The following PRKAA1 variants were observed in gnomAD, a reference collection of about 807,000 sequenced individuals.
The protein encoded by PRKAA1 is protein kinase AMP-activated catalytic subunit alpha 1.
In PRKAA1, 23 loss-of-function variants were observed where a neutral mutation model predicts 56.9. The observed-to-expected ratio is 0.40, with a 90% confidence interval of 0.29 to 0.57. The LOEUF is 0.57. Ranked by LOEUF, PRKAA1 falls within the 20% of genes least tolerant of loss-of-function variation. PRKAA1 has a pLI of 0.39. For missense variants in PRKAA1, 413 were observed against 679.7 expected, an observed-to-expected ratio of 0.61 and a Z score of 4.36; for synonymous variants, 226 against 227.0, an observed-to-expected ratio of 1.00 and a Z score of 0.04.
At chr5:40,793,947 C>T (rs1011090252) in intron 1 of PRKAA1, among the ~76,000 whole-genome samples, 5 of 152,062 alleles carry the variant, frequency 3.3e-5, no homozygotes, top group African/African-American at 1.2e-4. Flanking sequence ...ACTAAAAATA[C>T]AAAAATTAGC....
rs2112122087 is a variant in PRKAA1, at chr5:40,798,109, G to A, written c.81C>T (p.Tyr27=). The A allele has an allele frequency of 6.2e-7, 1 of 1,607,296 alleles. No individual in the cohort carries two copies. ...KHDGRVKIGH[Y]ILGDTLGVGT... ...CGACCCCCAGCGTGTCACCCAGAAT[G>A]TAGTGGCCGATCTTCACCCGCCCGT... Residue 27 remains tyrosine, a synonymous_variant, in exon 1 of 9, where the codon TAC becomes TAT. Transcript: ENST00000397128.
chr5:40,795,280 T>C (rs1272329089), intron 1 of PRKAA1, among the ~76,000 whole-genome samples: 1 of 152,060 alleles, frequency 6.6e-6, no homozygotes, highest in South Asian at 2.1e-4. Flanking sequence ...ACTACAAATA[T>C]GATGCAATGT....
chr5:40,760,170 C>CA lies in PRKAA1; in HGVS notation c.*2607dup, dbSNP rs1407681439. 6.6e-6 allele frequency: 1 copy of CA among 152,570 alleles called. No homozygotes were observed. Among genetic ancestry groups the CA allele is most frequent in the Non-Finnish European group, 1.5e-5 (1 of 67,966 alleles). 9.5% of individuals were successfully genotyped at this position (152,570 alleles called of 1,614,324 possible). ...AATATTAGTAACAATTTGCAAACAA[C>CA]AAAAAAATTGTGAAAATTCTGTTGC... On this transcript the variant is annotated 3_prime_UTR_variant, in exon 9 of 9. Transcript: ENST00000397128.
At position 40,785,907 on chromosome 5, in the gene PRKAA1, A is replaced by T. The variant is rs1316188926; in HGVS notation, c.128-8321T>A. Among the ~76,000 whole-genome samples the T allele has an allele frequency of 4.6e-5, 7 of 151,770 alleles. No individual in the cohort carries two copies. The South Asian group carries it at 1.2e-3, about 27-fold the overall frequency. ...AGCGAGCGCAGCCATTTGAAGACAGAGGCAGAGACTGGAGTTATGCTATCA... is the reference window on the plus strand; with the variant it reads ...AGCGAGCGCAGCCATTTGAAGACAGTGGCAGAGACTGGAGTTATGCTATCA... On this transcript the variant is annotated intron_variant, in intron 1 of 8. Transcript: ENST00000397128.
In PRKAA1 at chr5:40,759,923, G is replaced by C. The variant is rs1249113770; in HGVS notation, c.*2855C>G. On this transcript the variant is annotated 3_prime_UTR_variant, in exon 9 of 9. Transcript: ENST00000397128. ...CAACCTGGTAGAAAAGTTCCTCTCAGTGAGAAATCATTTATTTTAATGGCA... is the reference window on the plus strand; with the variant it reads ...CAACCTGGTAGAAAAGTTCCTCTCACTGAGAAATCATTTATTTTAATGGCA... 1 of 152,568 alleles carries C rather than the reference G, an allele frequency of 6.6e-6. No homozygotes were observed. The highest frequency in any genetic ancestry group is 1.5e-5 in the Non-Finnish European group (1 of 68,034). The allele number at this position is 152,568 out of a possible 1,614,324, so 9.5% of individuals were successfully genotyped here.
At chr5:40,790,535 T>G (rs886867854) in intron 1 of PRKAA1, among the ~76,000 whole-genome samples, 2 of 150,968 alleles carry the variant, frequency 1.3e-5, no homozygotes, top group Non-Finnish European at 2.9e-5. Context: ...CTTTTTTTTT[T>G]TTTTTGTTGT....
At chr5:40,767,026 T>A (rs1048585130) in intron 6 of PRKAA1, among the ~76,000 whole-genome samples, 7 of 149,572 alleles carry the variant, frequency 4.7e-5, no homozygotes, top group Non-Finnish European at 8.8e-5. Flanking sequence ...TCAAAAAAAA[T>A]AAATAAATAA....
chr5:40,784,669 T>C (rs1744397064), intron 1 of PRKAA1, among the ~76,000 whole-genome samples: 1 of 152,178 alleles, frequency 6.6e-6, no homozygotes, highest in Non-Finnish European at 1.5e-5. Context: ...AATTAAAGTA[T>C]ACAACTTACT....
chr5:40,772,854 G>C (rs1000970626), intron 3 of PRKAA1, among the ~76,000 whole-genome samples: 1 of 152,090 alleles, frequency 6.6e-6, no homozygotes, highest in Non-Finnish European at 1.5e-5. Flanking sequence ...GGCTGGTCTC[G>C]AACTCCTGAG....
chr5:40,795,180 C>T (rs978194730), intron 1 of PRKAA1, among the ~76,000 whole-genome samples: 16 of 152,006 alleles, frequency 1.1e-4, no homozygotes, highest in African/African-American at 3.9e-4. Context: ...TATGTGGGAG[C>T]TAAGCTATGA....
Position 40,760,828 on chromosome 5 carries a change from C to A in PRKAA1, c.*1950G>T, listed in dbSNP as rs1302877210. On this transcript the variant is annotated 3_prime_UTR_variant, in exon 9 of 9. Coordinates refer to ENST00000397128, the MANE Select transcript of PRKAA1 (RefSeq NM_006251.6). Reference sequence around the variant, plus strand: ...GCTCACTGTATTTGCCAAAAATAATCCTAAAATATGATTCTTAAAATAGAA... The same window carrying A: ...GCTCACTGTATTTGCCAAAAATAATACTAAAATATGATTCTTAAAATAGAA... 1 of 152,372 alleles carries A rather than the reference C, an allele frequency of 6.6e-6. No individual in the cohort carries two copies. Among genetic ancestry groups the A allele is most frequent in the East Asian group, 1.9e-4 (1 of 5,334 alleles). The allele number at this position is 152,372 out of a possible 1,614,324, so 9.4% of individuals were successfully genotyped here. A position where few individuals can be genotyped will look rare whatever the true frequency, so the allele number is the denominator to read the frequency against.
chr5:40,789,562 T>C (rs1330020908), intron 1 of PRKAA1, among the ~76,000 whole-genome samples: 2 of 152,200 alleles, frequency 1.3e-5, no homozygotes, highest in Non-Finnish European at 2.9e-5. Flanking sequence ...GACTCACTTA[T>C]ATTTGGAATC....
chr5:40,793,746 TAAC>T (rs977178321), intron 1 of PRKAA1, among the ~76,000 whole-genome samples: 18 of 152,168 alleles, frequency 1.2e-4, no homozygotes, highest in Non-Finnish European at 2.4e-4. Context: ...TTCTCTCTCC[TAAC>T]AACATCCATT....
At chr5:40,769,007 G>C in intron 5 of PRKAA1, 1 of 1,100,274 alleles carries the variant, frequency 9.1e-7, no homozygotes, top group South Asian at 1.4e-5. Context: ...AGTTCCCCAA[G>C]ACATTTTATC....
intron 1 of PRKAA1, among the ~76,000 whole-genome samples, 179 bp downstream of exon 1, chr5:40,797,884 T>A (rs1029716699): frequency 7.5e-5 from 11 of 146,376 alleles, no homozygotes; most frequent in Admixed American, 4.7e-4. Context: ...CCACCCGGCC[T>A]GTGCTGGCCG....
chr5:40,786,624 TGAA>T (rs1445419614), intron 1 of PRKAA1, among the ~76,000 whole-genome samples: 1 of 150,858 alleles, frequency 6.6e-6, no homozygotes, highest in East Asian at 1.9e-4. Context: ...TCATACAATC[TGAA>T]GAAGAAAAAA....
rs1290524830 is a variant in PRKAA1, at chr5:40,794,664, T to C, written c.127+3399A>G. 1.6e-5 allele frequency among the ~76,000 whole-genome samples: 2 copies of C among 126,210 alleles called. 1 individual carries two copies. Among genetic ancestry groups the C allele is most frequent in the African/African-American group, 5.3e-5 (2 of 37,772 alleles). The allele number at this position is 126,210 out of a possible 152,430, so 82.8% of individuals were successfully genotyped here. A position where few individuals can be genotyped will look rare whatever the true frequency, so the allele number is the denominator to read the frequency against. On this transcript the variant is annotated intron_variant, in intron 1 of 8. Coordinates refer to ENST00000397128, the MANE Select transcript of PRKAA1 (RefSeq NM_006251.6). The stretch of plus-strand genomic sequence containing the variant: ...AATCCATCTTGAGTTGATTTTTATA[T>C]AAGGTTGAGAGATGAGAATCCAGTT...
chr5:40,789,646 G>C (rs1023344613), intron 1 of PRKAA1, among the ~76,000 whole-genome samples: 2 of 152,174 alleles, frequency 1.3e-5, no homozygotes, highest in African/African-American at 4.8e-5. Context: ...GGGCTGGAGG[G>C]GAAAAGGAAG....
At chr5:40,784,546 A>G (rs1744392120) in intron 1 of PRKAA1, among the ~76,000 whole-genome samples, 1 of 152,200 alleles carries the variant, frequency 6.6e-6, no homozygotes, top group Admixed American at 6.5e-5. Flanking sequence ...TTGGTCACAG[A>G]AGAACACAGA....
Sources: allele counts gnomAD v4.1 joint callset (sites outside exome capture counted in the v4.1 genomes callset), GRCh38; gene constraint gnomAD v4.1.1; transcripts MANE v1.5; gene names NCBI Gene and HGNC (gene_info 2026-07-23, HGNC 2026-07-21).